The following IPO7 variants were observed in gnomAD, a reference collection of about 807,000 sequenced individuals.
IPO7 encodes the protein importin 7.
IPO7 carries 13 observed loss-of-function variants against 136.4 expected under a neutral mutation model. That is an observed-to-expected ratio of 0.10 (90% CI 0.06 to 0.15). The LOEUF is 0.15. Ranked by LOEUF, IPO7 falls within the 10% of genes least tolerant of loss-of-function variation. IPO7 has a pLI of 1.00. For missense variants in IPO7, 857 were observed against 1,240.6 expected, an observed-to-expected ratio of 0.69 and a Z score of 4.65; for synonymous variants, 403 against 404.4, an observed-to-expected ratio of 1.00 and a Z score of 0.04.
chr11:9,403,381 C>T lies in IPO7; in HGVS notation c.166+10C>T. On this transcript the variant is annotated intron_variant, in intron 2 of 24. Transcript: ENST00000379719. ...CCTGTGAGACAGGCAGGCAAGTTTCCTAAATTATATTGAGTGTATGTAATC... is the reference window on the plus strand; with the variant it reads ...CCTGTGAGACAGGCAGGCAAGTTTCTTAAATTATATTGAGTGTATGTAATC... 6.3e-7 allele frequency: 1 copy of T among 1,577,036 alleles called. No homozygotes were observed. The highest frequency in any genetic ancestry group is 8.7e-7 in the Non-Finnish European group (1 of 1,146,736).
rs759147748 is a variant in IPO7 at position 9,420,552 on chromosome 11, T to C, written c.821+47T>C. 4 of 1,555,534 alleles carry C rather than the reference T, an allele frequency of 2.6e-6. No homozygotes were observed. The East Asian group carries it at 9.0e-5, about 35-fold the overall frequency. ...GATTTAAATTAATTTATTAAGGTTT[T>C]GCTTTAAAGTGCTAGCATAAAGCAT... On this transcript the variant is annotated intron_variant, in intron 7 of 24. Coordinates refer to ENST00000379719, the MANE Select transcript of IPO7 (RefSeq NM_006391.3).
At chr11:9,433,923 CTTTTTTTT>C in intron 18 of IPO7, 77 bp downstream of exon 18, 1 of 1,042,114 alleles carries the variant, frequency 9.6e-7, no homozygotes, top group Non-Finnish European at 1.3e-6. Context: ...TGAACATACA[CTTTTTTTT>C]TTTTTTTTTG....
intron 8 of IPO7, among the ~76,000 whole-genome samples, chr11:9,421,552 C>G (rs896879988): frequency 6.7e-6 from 1 of 148,352 alleles, no homozygotes; most frequent in African/African-American, 2.5e-5. Context: ...GGCTTGAACC[C>G]AGGAGGCAGA....
intron 22 of IPO7, among the ~76,000 whole-genome samples, chr11:9,440,152 C>T (rs1007169678): frequency 1.6e-4 from 25 of 152,140 alleles, no homozygotes; most frequent in African/African-American, 4.6e-4. Context: ...ACTAACTTAG[C>T]CAGCCTTTTA....
intron 19 of IPO7, among the ~76,000 whole-genome samples, chr11:9,435,544 G>A (rs1417989901): frequency 6.6e-6 from 1 of 152,142 alleles, no homozygotes. Flanking sequence ...GCTCCATGAA[G>A]TTTTTAGATT....
At chr11:9,408,448 C>T (rs1333008420) in intron 2 of IPO7, 38 bp from the exon 3 acceptor site, 1 of 1,347,636 alleles carries the variant, frequency 7.4e-7, no homozygotes, top group East Asian at 2.7e-5. Flanking sequence ...AGTACTTTCA[C>T]AGTAAACATT....
rs756158665 is a variant in IPO7 at position 9,438,239 on chromosome 11, G to A, written c.2649G>A (p.Glu883=). Reference sequence around the variant, plus strand: ...CATATGCCTGCCATGCAGAACATGAGAATGACAGTGATGATGATGATGAAG... The same window carrying A: ...CATATGCCTGCCATGCAGAACATGAAAATGACAGTGATGATGATGATGAAG... ...KRAYACHAEH[E]NDSDDDDEAE... is the part of the protein sequence containing the mutation. Residue 883 remains glutamate (E), a synonymous_variant, in exon 22 of 25, where the codon GAG becomes GAA. Coordinates refer to ENST00000379719, the MANE Select transcript of IPO7 (RefSeq NM_006391.3). The A allele has an allele frequency of 1.9e-5, 31 of 1,607,178 alleles. No homozygotes were observed. The highest frequency in any genetic ancestry group is 5.4e-5 in the African/African-American group (4 of 74,702).
chr11:9,445,064 G>A, intron 24 of IPO7, 33 bp from the exon 25 acceptor site: 1 of 1,310,488 alleles, frequency 7.6e-7, no homozygotes, highest in Non-Finnish European at 1.1e-6. Flanking sequence ...GTAGATGATT[G>A]AATGCCCTAC....
chr11:9,445,002 G>A (rs1855509388), intron 24 of IPO7, 95 bp from the exon 25 acceptor site: 3 of 773,864 alleles, frequency 3.9e-6, no homozygotes, highest in Non-Finnish European at 6.8e-6. Context: ...GGCCACTAAT[G>A]ATGGTTAAGC....
At chr11:9,434,801 T>TC in intron 18 of IPO7, 133 bp from the exon 19 acceptor site, 2 of 676,182 alleles carry the variant, frequency 3.0e-6, no homozygotes, top group East Asian at 2.8e-5. Flanking sequence ...GTGTCCCCCC[T>TC]CCCCCCAAAA....
rs540592218 is a variant in IPO7 at position 9,423,725 on chromosome 11, G to T, written c.1042-52G>T. On this transcript the variant is annotated intron_variant, in intron 9 of 24. Transcript: ENST00000379719. Reference sequence around the variant, plus strand: ...TTTTAATACTTAAAGGAAATTTGAAGGTTTAAATTTGAAAACTGATGGTTA... The same window carrying T: ...TTTTAATACTTAAAGGAAATTTGAATGTTTAAATTTGAAAACTGATGGTTA... The T allele has an allele frequency of 1.5e-4, 170 of 1,160,254 alleles. 1 individual carries two copies. The South Asian group carries it at 2.2e-3, about 15-fold the overall frequency. The allele number at this position is 1,160,254 out of a possible 1,614,324, so 71.9% of individuals were successfully genotyped here.
intron 8 of IPO7, among the ~76,000 whole-genome samples, chr11:9,421,403 G>A (rs989213189): frequency 1.3e-5 from 2 of 151,444 alleles, no homozygotes; most frequent in Non-Finnish European, 2.9e-5. Flanking sequence ...GCCAGGGCGG[G>A]CAGATCACGA....
At chr11:9,410,158 A>G (rs768272031) in intron 4 of IPO7, 72 bp downstream of exon 4, 15 of 1,025,886 alleles carry the variant, frequency 1.5e-5, no homozygotes, top group Non-Finnish European at 1.9e-5. Context: ...GCCAATTTGA[A>G]CATGTAAAAT....
At position 9,446,934 on chromosome 11, in the gene IPO7, T is replaced by C. The variant is rs1855537437; in HGVS notation, c.*1740T>C. Reference sequence around the variant, plus strand: ...GTGTGGGTGAAAACTGTTAATCAAGTGTTTCTACTCCCCCCCGAAAATCCC... The same window carrying C: ...GTGTGGGTGAAAACTGTTAATCAAGCGTTTCTACTCCCCCCCGAAAATCCC... On this transcript the variant is annotated 3_prime_UTR_variant, in exon 25 of 25. Coordinates refer to ENST00000379719, the MANE Select transcript of IPO7 (RefSeq NM_006391.3). 1.3e-5 allele frequency: 2 copies of C among 152,142 alleles called. No homozygotes were observed. The highest frequency in any genetic ancestry group is 4.8e-5 in the African/African-American group (2 of 41,432). 9.4% of individuals were successfully genotyped at this position (152,142 alleles called of 1,614,324 possible).
Position 9,448,126 on chromosome 11 carries a change from C to T in IPO7, c.*2932C>T, listed in dbSNP as rs1380684271. The T allele has an allele frequency of 6.6e-6, 1 of 152,104 alleles. No individual in the cohort carries two copies. The highest frequency in any genetic ancestry group is 1.5e-5 in the Non-Finnish European group (1 of 68,018). The allele number at this position is 152,104 out of a possible 1,614,324, so 9.4% of individuals were successfully genotyped here. A position where few individuals can be genotyped will look rare whatever the true frequency, so the allele number is the denominator to read the frequency against. ...AATAAATGACTTAAATTTAAAACAT[C>T]AGTTATAAAACTGTCAGTTCTGTTC... On this transcript the variant is annotated 3_prime_UTR_variant, in exon 25 of 25. Transcript: ENST00000379719.
At chr11:9,428,787 A>C in intron 13 of IPO7, 158 bp downstream of exon 13, 2 of 784,182 alleles carry the variant, frequency 2.6e-6, no homozygotes, top group South Asian at 2.7e-5. Context: ...TAATGTGTGC[A>C]TAGGTTTCAT....
intron 8 of IPO7, among the ~76,000 whole-genome samples, chr11:9,422,561 T>A (rs1029517695): frequency 4.5e-4 from 68 of 152,214 alleles, no homozygotes; most frequent in African/African-American, 1.6e-3. Flanking sequence ...TATTGACAGA[T>A]GCTAAATAGG....
At position 9,384,721 on chromosome 11, in the gene IPO7, C is replaced by T. The variant is rs1438953195; in HGVS notation, c.-43C>T. ...CGCAGTGAGTGGCGCTATTCCTGGC[C>T]CAGTAGCACCCGAGCCCCGGGTTTG... On this transcript the variant is annotated 5_prime_UTR_variant, in exon 1 of 25. Coordinates refer to ENST00000379719, the MANE Select transcript of IPO7 (RefSeq NM_006391.3). 4 of 1,500,500 alleles carry T rather than the reference C, an allele frequency of 2.7e-6. No homozygotes were observed. Among genetic ancestry groups the T allele is most frequent in the African/African-American group, 1.4e-5 (1 of 71,418 alleles). The allele number at this position is 1,500,500 out of a possible 1,614,324, so 92.9% of individuals were successfully genotyped here.
At chr11:9,438,045 G>GGT in intron 21 of IPO7, 35 bp from the exon 22 acceptor site, 4 of 1,087,778 alleles carry the variant, frequency 3.7e-6, no homozygotes, top group Non-Finnish European at 4.8e-6. Flanking sequence ...AAAGAAAACA[G>GGT]TTTTTTTTTT....
Sources: allele counts gnomAD v4.1 joint callset (sites outside exome capture counted in the v4.1 genomes callset), GRCh38; gene constraint gnomAD v4.1.1; transcripts MANE v1.5; gene names NCBI Gene and HGNC (gene_info 2026-07-23, HGNC 2026-07-21).